Variants in NOX4 observed in about 807,000 individuals in gnomAD.
NOX4 encodes kidney oxidase-1.
NOX4 carries 69 observed loss-of-function variants against 87.6 expected under a neutral mutation model. The ratio of observed to expected loss-of-function variants is 0.79; its 90% CI spans 0.65 to 0.96. The LOEUF is 0.96. Among genes scored for constraint, NOX4 ranks in the 40% least tolerant of loss-of-function variants. NOX4 has a pLI of 0.00. For synonymous variants in NOX4, 275 were observed against 238.2 expected (o/e 1.15, Z -1.42); for missense variants, 680 against 681.5 (o/e 1.00, Z 0.02).
chr11:89,372,905 A>T (rs1565208922), intron 12 of NOX4, among the ~76,000 whole-genome samples: 1 of 151,968 alleles, frequency 6.6e-6, no homozygotes, highest in East Asian at 1.9e-4. Flanking sequence ...CTCTTACTAC[A>T]ATGCATCTCT....
chr11:89,388,120 A>G (rs1940844895), intron 11 of NOX4, among the ~76,000 whole-genome samples: 1 of 152,204 alleles, frequency 6.6e-6, no homozygotes, highest in Non-Finnish European at 1.5e-5. Context: ...GATAAACTAG[A>G]GTTTATATGT....
chr11:89,535,219 A>C, the NOX4 span, among the ~76,000 whole-genome samples: 1 of 152,212 alleles, frequency 6.6e-6, no homozygotes, highest in African/African-American at 2.4e-5. Flanking sequence ...TCCTCCAGTC[A>C]CTTTTTATGA....
chr11:89,456,305 C>T (rs1354618095), intron 2 of NOX4, among the ~76,000 whole-genome samples: 1 of 151,990 alleles, frequency 6.6e-6, no homozygotes. Context: ...ATAATAAGTA[C>T]ATTTAGAATA....
chr11:89,444,898 T>A (rs1206835111), intron 4 of NOX4, among the ~76,000 whole-genome samples: 4 of 152,096 alleles, frequency 2.6e-5, no homozygotes, highest in African/African-American at 9.7e-5. Flanking sequence ...TTACTAGAGA[T>A]GTGAAGATGA....
At chr11:89,576,019 C>T in the NOX4 span, among the ~76,000 whole-genome samples, 2 of 152,152 alleles carry the variant, frequency 1.3e-5, no homozygotes, top group Admixed American at 6.5e-5. Context: ...ATTTCTCTGG[C>T]CACAACTGTT....
the NOX4 span, among the ~76,000 whole-genome samples, chr11:89,511,486 A>T: frequency 6.6e-6 from 1 of 151,794 alleles, no homozygotes; most frequent in African/African-American, 2.4e-5. Context: ...ATATTAATGC[A>T]TAGTACTGGG....
chr11:89,412,321 T>C (rs1244809276), intron 8 of NOX4, among the ~76,000 whole-genome samples: 2 of 152,168 alleles, frequency 1.3e-5, no homozygotes, highest in Non-Finnish European at 2.9e-5. Context: ...CAAATGGACC[T>C]AATAAATATT....
chr11:89,486,496 A>C (rs1175948368), intron 2 of NOX4, among the ~76,000 whole-genome samples: 3 of 146,522 alleles, frequency 2.0e-5, no homozygotes, highest in Non-Finnish European at 4.5e-5. Flanking sequence ...GTTTGTGTGC[A>C]TATATACACA....
intron 2 of NOX4, among the ~76,000 whole-genome samples, chr11:89,479,057 A>G (rs980983506): frequency 3.9e-5 from 6 of 152,268 alleles, no homozygotes; most frequent in African/African-American, 1.4e-4. Context: ...GTGAGAAATA[A>G]AAGTAATCTC....
the NOX4 span, among the ~76,000 whole-genome samples, chr11:89,581,623 G>A: frequency 6.6e-6 from 1 of 152,194 alleles, no homozygotes; most frequent in South Asian, 2.1e-4. Flanking sequence ...GAAGGGACAA[G>A]GGAAGGAATT....
intron 17 of NOX4, among the ~76,000 whole-genome samples, chr11:89,334,973 A>T (rs189457309): frequency 4.9e-4 from 74 of 151,850 alleles, no homozygotes; most frequent in African/African-American, 1.4e-3. Flanking sequence ...AGAAGAGTTT[A>T]TGTATTTTTG....
intron 13 of NOX4, among the ~76,000 whole-genome samples, chr11:89,349,428 C>T (rs543597400): frequency 1.3e-5 from 2 of 152,050 alleles, no homozygotes; most frequent in South Asian, 4.2e-4. Flanking sequence ...CAAAACTTGG[C>T]TAGGAAAGAG....
chr11:89,325,919 G>GTATATATATA lies in NOX4; in HGVS notation c.*836_*837insTATATATATA, dbSNP rs1463168247. 1 of 147,890 alleles carries GTATATATATA rather than the reference G, an allele frequency of 6.8e-6. No homozygotes were observed. The highest frequency in any genetic ancestry group is 2.5e-5 in the African/African-American group (1 of 40,548). The allele number at this position is 147,890 out of a possible 1,614,324, so 9.2% of individuals were successfully genotyped here. ...TATATATATATATATATGTGTGTGT[G>GTATATATATA]TGTGTATATATATATGTGTATATAC... On this transcript the variant is annotated 3_prime_UTR_variant, in exon 18 of 18. Transcript: ENST00000263317.
chr11:89,469,518 T>G (rs1945838003), intron 2 of NOX4, among the ~76,000 whole-genome samples: 1 of 152,158 alleles, frequency 6.6e-6, no homozygotes. Flanking sequence ...AAAGCCTAAT[T>G]CTTTAGTGCT....
chr11:89,552,519 G>A, the NOX4 span, among the ~76,000 whole-genome samples: 1 of 151,972 alleles, frequency 6.6e-6, no homozygotes, highest in East Asian at 1.9e-4. Context: ...CTTCAGATCT[G>A]CCCACTCCCA....
chr11:89,451,755 G>A lies in NOX4; in HGVS notation c.264+30C>T. The A allele has an allele frequency of 2.1e-6, 3 of 1,436,336 alleles. No individual in the cohort carries two copies. The South Asian group carries it at 3.4e-5, about 16-fold the overall frequency. The allele number at this position is 1,436,336 out of a possible 1,614,324, so 89.0% of individuals were successfully genotyped here. ...ACTGTTACACTTGATTTTTATGCTGGAATTTGAAAGTAGGACTGTTTTTTC... is the reference window on the plus strand; with the variant it reads ...ACTGTTACACTTGATTTTTATGCTGAAATTTGAAAGTAGGACTGTTTTTTC... On this transcript the variant is annotated intron_variant, in intron 3 of 17. Coordinates refer to ENST00000263317, the MANE Select transcript of NOX4 (RefSeq NM_016931.5).
the NOX4 span, among the ~76,000 whole-genome samples, chr11:89,530,476 G>A: frequency 2.0e-5 from 3 of 150,524 alleles, no homozygotes; most frequent in East Asian, 5.8e-4. Context: ...CCGAGTAGCT[G>A]GAATTACAGG....
intron 8 of NOX4, among the ~76,000 whole-genome samples, chr11:89,410,089 C>T (rs989074392): frequency 8.6e-5 from 13 of 151,650 alleles, no homozygotes; most frequent in Non-Finnish European, 1.8e-4. Flanking sequence ...AAATAAGAGG[C>T]ATGGGTTTTC....
the NOX4 span, among the ~76,000 whole-genome samples, chr11:89,508,759 A>T: frequency 6.6e-6 from 1 of 152,050 alleles, no homozygotes; most frequent in Admixed American, 6.6e-5. Flanking sequence ...TGCTCAAAAC[A>T]CTTTCTCAGG....
Sources: allele counts gnomAD v4.1 joint callset (sites outside exome capture counted in the v4.1 genomes callset), GRCh38; gene constraint gnomAD v4.1.1; transcripts MANE v1.5; gene names NCBI Gene and HGNC (gene_info 2026-07-23, HGNC 2026-07-21).